The following ATP6V1E1 variants were observed in gnomAD, a reference collection of about 807,000 sequenced individuals.
ATP6V1E1 encodes ATPase H+ transporting V1 subunit E1.
A neutral mutation model predicts 35.2 loss-of-function variants in ATP6V1E1; 21 were observed. That is an observed-to-expected ratio of 0.60 (90% CI 0.42 to 0.86). The LOEUF is 0.86. Among genes scored for constraint, ATP6V1E1 ranks in the 40% least tolerant of loss-of-function variants. The pLI, the probability that ATP6V1E1 is intolerant of heterozygous loss-of-function variation, is 0.00. For synonymous variants in ATP6V1E1, 83 were observed against 87.8 expected, an observed-to-expected ratio of 0.95 and a Z score of 0.30; for missense variants, 183 against 272.6, an observed-to-expected ratio of 0.67 and a Z score of 2.32.
chr22:17,624,669 A>C (rs1016933400), intron 1 of ATP6V1E1, among the ~76,000 whole-genome samples: 2 of 151,932 alleles, frequency 1.3e-5, no homozygotes, highest in Non-Finnish European at 2.9e-5. Context: ...AAATACAAAA[A>C]AATTATCCGG....
At chr22:17,603,225 C>T (rs1256896206) in intron 4 of ATP6V1E1, among the ~76,000 whole-genome samples, 1 of 152,122 alleles carries the variant, frequency 6.6e-6, no homozygotes, top group Non-Finnish European at 1.5e-5. Flanking sequence ...GCTGGGATTA[C>T]AGGTGTGAGC....
chr22:17,612,361 T>C (rs1002544281), intron 4 of ATP6V1E1, among the ~76,000 whole-genome samples: 2 of 152,178 alleles, frequency 1.3e-5, no homozygotes, highest in African/African-American at 2.4e-5. Flanking sequence ...ACTTTCCATA[T>C]GGTTTTCTTT....
At chr22:17,627,540 C>T (rs531902370) in intron 1 of ATP6V1E1, among the ~76,000 whole-genome samples, 1 of 151,732 alleles carries the variant, frequency 6.6e-6, no homozygotes, top group African/African-American at 2.4e-5. Context: ...ACATACAGGC[C>T]TGGCGCGTTG....
chr22:17,617,504 G>A (rs1156951161), intron 2 of ATP6V1E1, among the ~76,000 whole-genome samples: 1 of 152,082 alleles, frequency 6.6e-6, no homozygotes, highest in Non-Finnish European at 1.5e-5. Flanking sequence ...ATGTTGGCCA[G>A]GCTGGTCTTG....
intron 1 of ATP6V1E1, among the ~76,000 whole-genome samples, chr22:17,620,846 G>GTTTCCC (rs2057872905): frequency 6.6e-6 from 1 of 152,014 alleles, no homozygotes; most frequent in Non-Finnish European, 1.5e-5. Context: ...GGCGGATCAC[G>GTTTCCC]AGGTCAGGAG....
chr22:17,620,307 C>T (rs1181655867), intron 1 of ATP6V1E1, among the ~76,000 whole-genome samples: 1 of 151,756 alleles, frequency 6.6e-6, no homozygotes, highest in Non-Finnish European at 1.5e-5. Flanking sequence ...GCCACCATGC[C>T]TGGCTAATTT....
chr22:17,608,782 G>A (rs773982688), intron 4 of ATP6V1E1, among the ~76,000 whole-genome samples: 25 of 152,292 alleles, frequency 1.6e-4, no homozygotes, highest in Admixed American at 2.6e-4. Context: ...ACTATCCTAA[G>A]TTGAAATTAA....
chr22:17,617,193 A>G (rs2057850624), intron 2 of ATP6V1E1, among the ~76,000 whole-genome samples: 2 of 152,212 alleles, frequency 1.3e-5, no homozygotes, highest in Admixed American at 1.3e-4. Context: ...CCAAGGTTTC[A>G]GAGAGTTTTA....
intron 7 of ATP6V1E1, chr22:17,594,954 G>T (rs1296820): frequency 0.1 from 16,023 of 159,908 alleles, 1,116 homozygotes; most frequent in African/African-American, 0.19. Context: ...GGAGTGAAAA[G>T]AAAAAGTTGG....
intron 1 of ATP6V1E1, among the ~76,000 whole-genome samples, chr22:17,624,848 T>C (rs544927709): frequency 1.3e-5 from 2 of 152,066 alleles, no homozygotes; most frequent in Non-Finnish European, 2.9e-5. Flanking sequence ...TTGATCTAGA[T>C]TCCAAGGAAC....
intron 4 of ATP6V1E1, among the ~76,000 whole-genome samples, chr22:17,611,403 T>TA (rs981079799): frequency 1.3e-5 from 2 of 152,218 alleles, no homozygotes; most frequent in African/African-American, 4.8e-5. Flanking sequence ...TCAAAGCAGA[T>TA]AAAGCACTTA....
chr22:17,602,998 C>T lies in ATP6V1E1; in HGVS notation c.277-1817G>A, dbSNP rs1180809710. On this transcript the variant is annotated intron_variant, in intron 4 of 8. Transcript: ENST00000253413. Reference sequence around the variant, plus strand: ...TGAAGACGGAGTCTCGCTCTGTTGCCCAGGCTGGAGTGCAGTGGCCTGATC... The same window carrying T: ...TGAAGACGGAGTCTCGCTCTGTTGCTCAGGCTGGAGTGCAGTGGCCTGATC... Among the ~76,000 whole-genome samples the T allele has an allele frequency of 2.0e-5, 3 of 152,078 alleles. No individual in the cohort carries two copies. In the South Asian group the frequency reaches 6.2e-4, roughly 32 times the overall value.
At chr22:17,627,818 CAA>C (rs71201846) in intron 1 of ATP6V1E1, among the ~76,000 whole-genome samples, 6 of 105,122 alleles carry the variant, frequency 5.7e-5, no homozygotes, top group Non-Finnish European at 5.9e-5. Flanking sequence ...GACTCCGTCT[CAA>C]AAAAAAAAAA....
chr22:17,627,918 T>G (rs1233357720), intron 1 of ATP6V1E1, among the ~76,000 whole-genome samples: 1 of 149,970 alleles, frequency 6.7e-6, no homozygotes, highest in Non-Finnish European at 1.5e-5. Flanking sequence ...CCGCACTGTT[T>G]CCTATCATAT....
chr22:17,604,605 C>T (rs574609081), intron 4 of ATP6V1E1, among the ~76,000 whole-genome samples: 1 of 151,508 alleles, frequency 6.6e-6, no homozygotes, highest in African/African-American at 2.4e-5. Flanking sequence ...CTGCAACCTC[C>T]GCCCCCTGGG....
intron 3 of ATP6V1E1, 116 bp downstream of exon 3, chr22:17,613,095 A>T: frequency 1.1e-6 from 1 of 911,924 alleles, no homozygotes; most frequent in Non-Finnish European, 1.7e-6. Context: ...ACAATTTGTC[A>T]GATTAGTAGT....
chr22:17,614,974 T>C (rs2057835798), intron 2 of ATP6V1E1, among the ~76,000 whole-genome samples: 1 of 151,904 alleles, frequency 6.6e-6, no homozygotes, highest in African/African-American at 2.4e-5. Context: ...AAAAATTTTT[T>C]TTCCCTCATG....
chr22:17,595,786 A>T (rs1223012781), intron 7 of ATP6V1E1, among the ~76,000 whole-genome samples: 1 of 151,928 alleles, frequency 6.6e-6, no homozygotes, highest in African/African-American at 2.4e-5. Context: ...ACACCACTGC[A>T]CTCCAGCTTG....
chr22:17,602,091 G>C (rs1490123883), intron 4 of ATP6V1E1, among the ~76,000 whole-genome samples: 1 of 151,994 alleles, frequency 6.6e-6, no homozygotes, highest in South Asian at 2.1e-4. Flanking sequence ...ATTTTTTATA[G>C]AGATGGAGTC....
Sources: gnomAD v4.1 joint callset for allele counts (sites outside exome capture counted in the v4.1 genomes callset) on GRCh38, gnomAD v4.1.1 for gene constraint, MANE v1.5 for transcripts, NCBI Gene and HGNC (gene_info 2026-07-23, HGNC 2026-07-21) for gene names.